The following PIK3C2G variants were observed in gnomAD, a reference collection of about 807,000 sequenced individuals.
The protein encoded by PIK3C2G is phosphatidylinositol 3-kinase C2 domain-containing subunit gamma.
PIK3C2G carries 168 observed loss-of-function variants against 181.1 expected under a neutral mutation model. The ratio of observed to expected loss-of-function variants is 0.93; its 90% confidence interval spans 0.82 to 1.05. The LOEUF is 1.05. Among genes scored for constraint, PIK3C2G ranks in the 50% least tolerant of loss-of-function variants. PIK3C2G has a pLI of 0.00. For missense variants in PIK3C2G, 1,869 were observed against 1,732.8 expected (o/e 1.08, Z -1.40); for synonymous variants, 573 against 592.2 (o/e 0.97, Z 0.47).
At position 18,469,128 on chromosome 12, in the gene PIK3C2G, G is replaced by C. The variant is rs190772042; in HGVS notation, c.2505-19321G>C. Among the ~76,000 whole-genome samples, 3 of 152,214 alleles carry C rather than the reference G, an allele frequency of 2.0e-5. No individual in the cohort carries two copies. In the East Asian group the frequency reaches 5.8e-4, roughly 29 times the overall value. On this transcript the variant is annotated intron_variant, in intron 18 of 32. Transcript: ENST00000538779. ...GCTAATTAGACAAAGCCATTGTATA[G>C]TATTTTCAATCTTTATTTCCAAATC...
At chr12:18,449,386 C>G (rs1947216701) in intron 18 of PIK3C2G, among the ~76,000 whole-genome samples, 1 of 151,992 alleles carries the variant, frequency 6.6e-6, no homozygotes, top group Non-Finnish European at 1.5e-5. Context: ...CTGCACCTAT[C>G]AACACGTCAT....
intron 28 of PIK3C2G, among the ~76,000 whole-genome samples, chr12:18,563,865 GAT>G (rs1945476000): frequency 6.6e-6 from 1 of 151,088 alleles, no homozygotes; most frequent in Non-Finnish European, 1.5e-5. Context: ...AAGAAAATTG[GAT>G]ATGTTTACTT....
chr12:18,305,768 C>T (rs1332587700), intron 5 of PIK3C2G, among the ~76,000 whole-genome samples: 1 of 151,832 alleles, frequency 6.6e-6, no homozygotes, highest in African/African-American at 2.4e-5. Flanking sequence ...TGGGAAAAAA[C>T]AATAATAAAA....
chr12:18,559,724 A>C (rs1330866895), intron 26 of PIK3C2G, among the ~76,000 whole-genome samples: 2 of 145,692 alleles, frequency 1.4e-5, no homozygotes, highest in Non-Finnish European at 3.0e-5. Context: ...GTCCAGAAAA[A>C]GTTGGAGGGA....
In PIK3C2G at chr12:18,339,793, C is replaced by T. The variant is rs867327564; in HGVS notation, c.1395+1245C>T. ...AAAAATGAATATAGAAATTTAAATA[C>T]GTTCTTTACATGAACAATGACAATG... On this transcript the variant is annotated intron_variant, in intron 9 of 32. Coordinates refer to ENST00000538779, the MANE Select transcript of PIK3C2G (RefSeq NM_001288772.2). Among the ~76,000 whole-genome samples, 3 of 152,000 alleles carry T rather than the reference C, an allele frequency of 2.0e-5. No homozygotes were observed. The South Asian group carries it at 6.2e-4, about 31-fold the overall frequency.
chr12:18,362,062 C>T lies in PIK3C2G; in HGVS notation c.1626-702C>T, dbSNP rs117712817. Among the ~76,000 whole-genome samples the T allele has an allele frequency of 5.7e-3, 861 of 152,118 alleles. 3 individuals carry two copies. Among genetic ancestry groups the T allele is most frequent in the Middle Eastern group, 0.014 (4 of 294 alleles). On this transcript the variant is annotated intron_variant, in intron 11 of 32. Transcript: ENST00000538779. ...AAGACAGACAAGACAGAAACTAGTC[C>T]TTCTGATAGTAGCCCCAAAACTGGA...
the PIK3C2G span, among the ~76,000 whole-genome samples, chr12:18,661,611 C>A: frequency 6.6e-6 from 1 of 152,180 alleles, no homozygotes; most frequent in Middle Eastern, 3.4e-3. Context: ...CATCTCACAC[C>A]AGTCAGAATG....
At chr12:18,250,273 A>T (rs1948082618) in intron 1 of PIK3C2G, among the ~76,000 whole-genome samples, 1 of 152,102 alleles carries the variant, frequency 6.6e-6, no homozygotes, top group South Asian at 2.1e-4. Flanking sequence ...CCAACAGAAA[A>T]AAAAGTGAAA....
Position 18,335,263 on chromosome 12 carries a change from C to T in PIK3C2G, c.1273-3163C>T, listed in dbSNP as rs576660404. Among the ~76,000 whole-genome samples, 5 of 152,216 alleles carry T rather than the reference C, an allele frequency of 3.3e-5. No individual in the cohort carries two copies. In the East Asian group the frequency reaches 9.7e-4, roughly 29 times the overall value. On this transcript the variant is annotated intron_variant, in intron 8 of 32. Coordinates refer to ENST00000538779, the MANE Select transcript of PIK3C2G (RefSeq NM_001288772.2). ...GTGATTTAGTCCTAAGATTTCAGCA[C>T]TTGTCCCACTGTTAGCAAAAAAACA...
At chr12:18,685,707 A>G in the PIK3C2G span, 1 of 504,962 alleles carries the variant, frequency 2.0e-6, no homozygotes, top group Admixed American at 2.0e-5. Context: ...TTTAGAGTCA[A>G]TTCTTTATAG....
intron 20 of PIK3C2G, among the ~76,000 whole-genome samples, chr12:18,494,723 A>G (rs1940863488): frequency 6.6e-6 from 1 of 152,158 alleles, no homozygotes; most frequent in Admixed American, 6.5e-5. Context: ...CTCATACAGA[A>G]TTTGCTAATT....
chr12:18,683,236 C>G, the PIK3C2G span: 1 of 1,611,180 alleles, frequency 6.2e-7, no homozygotes, highest in South Asian at 1.1e-5. Flanking sequence ...TTATCATTAG[C>G]TGTTATCTGA....
At chr12:18,651,060 G>A (rs1317947389), downstream of PIK3C2G, among the ~76,000 whole-genome samples, 7 of 151,812 alleles carry the variant, frequency 4.6e-5, no homozygotes, top group East Asian at 1.4e-3. Context: ...AACCTAAAAG[G>A]CCCTATGTGA....
intron 30 of PIK3C2G, among the ~76,000 whole-genome samples, chr12:18,598,625 A>C (rs1947515895): frequency 6.7e-6 from 1 of 149,754 alleles, no homozygotes; most frequent in East Asian, 2.0e-4. Flanking sequence ...AAGCAATGGC[A>C]ACAAAAGCCA....
chr12:18,252,939 G>T (rs756897975), intron 1 of PIK3C2G, among the ~76,000 whole-genome samples: 6 of 152,110 alleles, frequency 3.9e-5, no homozygotes, highest in Non-Finnish European at 7.4e-5. Flanking sequence ...GACAGTGACT[G>T]TCTCTGGGAG....
intron 1 of PIK3C2G, among the ~76,000 whole-genome samples, chr12:18,248,405 T>G (rs1209772979): frequency 2.6e-5 from 4 of 151,950 alleles, no homozygotes; most frequent in African/African-American, 9.7e-5. Flanking sequence ...ACCCCGTCTC[T>G]ACTAAAAAAA....
downstream of PIK3C2G, among the ~76,000 whole-genome samples, chr12:18,651,599 A>G (rs1228193269): frequency 6.6e-6 from 1 of 152,038 alleles, no homozygotes; most frequent in Non-Finnish European, 1.5e-5. Flanking sequence ...TCTAGTTGTG[A>G]CTCAGAAACA....
intron 32 of PIK3C2G, among the ~76,000 whole-genome samples, chr12:18,643,567 G>A (rs1228326285): frequency 6.6e-6 from 1 of 151,672 alleles, no homozygotes; most frequent in African/African-American, 2.4e-5. Flanking sequence ...TTCTATGCCT[G>A]TATCAACACA....
At chr12:18,584,835 A>G (rs1452822164) in intron 29 of PIK3C2G, among the ~76,000 whole-genome samples, 1 of 152,194 alleles carries the variant, frequency 6.6e-6, no homozygotes, top group East Asian at 1.9e-4. Context: ...TCAGGCTAAC[A>G]GTGGACCTCT....
Sources: gnomAD v4.1 joint callset for allele counts (sites outside exome capture counted in the v4.1 genomes callset) on GRCh38, gnomAD v4.1.1 for gene constraint, MANE v1.5 for transcripts, NCBI Gene and HGNC (gene_info 2026-07-23, HGNC 2026-07-21) for gene names.